SLC16A12: variants seen among roughly 807,000 people sequenced by gnomAD.
The protein encoded by SLC16A12 is monocarboxylate transporter 12.
In SLC16A12, 17 loss-of-function variants were observed where a neutral mutation model predicts 42.4. That is an observed-to-expected ratio of 0.40 (90% CI 0.27 to 0.60). The LOEUF (loss-of-function observed/expected upper bound fraction) is 0.60. Ranked by LOEUF, SLC16A12 falls within the 20% of genes least tolerant of loss-of-function variation. SLC16A12 has a pLI of 0.42. For synonymous variants in SLC16A12, 224 were observed against 229.4 expected, an observed-to-expected ratio of 0.98 and a Z score of 0.21; for missense variants, 544 against 623.0, an observed-to-expected ratio of 0.87 and a Z score of 1.35.
intron 3 of SLC16A12, among the ~76,000 whole-genome samples, chr10:89,450,284 G>C (rs534409974): frequency 1.3e-5 from 2 of 152,256 alleles, no homozygotes; most frequent in East Asian, 3.9e-4. Flanking sequence ...GATTATAAAT[G>C]ATGCTACTAT....
At chr10:89,550,520 A>G (rs1288179514) in intron 2 of SLC16A12, among the ~76,000 whole-genome samples, 1 of 152,210 alleles carries the variant, frequency 6.6e-6, no homozygotes, top group Admixed American at 6.5e-5. Context: ...CTCCGTCTCA[A>G]AACAAACAAA....
At chr10:89,441,053 G>A in intron 5 of SLC16A12, 55 bp downstream of exon 5, 1 of 1,602,660 alleles carries the variant, frequency 6.2e-7, no homozygotes, top group Non-Finnish European at 8.5e-7. Context: ...CTGTTGATGT[G>A]CTTGGAAACC....
At chr10:89,554,475 T>C (rs1318058437) in intron 2 of SLC16A12, among the ~76,000 whole-genome samples, 1 of 152,270 alleles carries the variant, frequency 6.6e-6, no homozygotes, top group Admixed American at 6.5e-5. Flanking sequence ...ACTTTAGTTG[T>C]TGATCATGTT....
intron 2 of SLC16A12, among the ~76,000 whole-genome samples, chr10:89,484,594 CAATA>C (rs1470019207): frequency 6.6e-6 from 1 of 151,982 alleles, no homozygotes; most frequent in Non-Finnish European, 1.5e-5. Context: ...AAGAGAGATC[CAATA>C]AATAGTCTGT....
chr10:89,454,227 C>T (rs983119662), intron 3 of SLC16A12, among the ~76,000 whole-genome samples: 3 of 152,094 alleles, frequency 2.0e-5, no homozygotes, highest in African/African-American at 7.2e-5. Context: ...AGGCTGGTCT[C>T]CAACTCCTGG....
In SLC16A12 at chr10:89,551,180, G is replaced by A. The variant is rs573681103; in HGVS notation, c.-47+4702C>T. On this transcript the variant is annotated intron_variant, in intron 2 of 2. Transcript: ENST00000475682. Reference sequence around the variant, plus strand: ...AGTTCAGCCTGGCGTGGTGGCTCACGCTTGTAATCCTAACAATTTGGGAGG... The same window carrying A: ...AGTTCAGCCTGGCGTGGTGGCTCACACTTGTAATCCTAACAATTTGGGAGG... 2.0e-4 allele frequency among the ~76,000 whole-genome samples: 30 copies of A among 152,286 alleles called. No homozygotes were observed. In the South Asian group the frequency reaches 5.8e-3, roughly 29 times the overall value.
chr10:89,433,422 C>A, intron 7 of SLC16A12, 96 bp from the exon 8 acceptor site: 1 of 1,258,414 alleles, frequency 7.9e-7, no homozygotes, highest in South Asian at 1.3e-5. Context: ...AATAATAGAT[C>A]GATAGCACCA....
In SLC16A12 at chr10:89,443,800, G is replaced by A. The variant is rs375833021; in HGVS notation, c.260C>T (p.Thr87Met). 1.6e-4 allele frequency: 264 copies of A among 1,613,898 alleles called. 1 individual carries two copies. Among genetic ancestry groups the A allele is most frequent in the Middle Eastern group, 5.0e-4 (3 of 6,058 alleles). ...QTYFTQDYAQ[T>M]AWIHSIVDCV... is the part of the protein sequence containing the mutation. The stretch of plus-strand genomic sequence containing the variant: ...ATCTACAATGGAATGGATCCATGCC[G>A]TTTGTGCGTAATCCTGAGTGAAGTA... The change falls in exon 4 of 8, where the codon ACG (threonine) becomes ATG (methionine). Residue 87 changes from threonine (T) to methionine (M), a missense_variant. Transcript: ENST00000371790.
intron 3 of SLC16A12, among the ~76,000 whole-genome samples, chr10:89,453,903 A>G (rs568824592): frequency 6.6e-6 from 1 of 152,110 alleles, no homozygotes; most frequent in Non-Finnish European, 1.5e-5. Context: ...TGCTAAATGC[A>G]CCCTGGAGAC....
intron 3 of SLC16A12, among the ~76,000 whole-genome samples, chr10:89,451,537 G>C (rs568655678): frequency 3.5e-4 from 53 of 151,960 alleles, no homozygotes; most frequent in Middle Eastern, 3.4e-3. Flanking sequence ...TCAGCCTCCC[G>C]AGTAGCTGGG....
chr10:89,539,153 T>C (rs888864193), upstream of SLC16A12, among the ~76,000 whole-genome samples: 7 of 152,240 alleles, frequency 4.6e-5, no homozygotes, highest in Admixed American at 1.3e-4. Context: ...TCTGTCTCAA[T>C]GGTCCTGAAT....
intron 2 of SLC16A12, among the ~76,000 whole-genome samples, chr10:89,555,540 T>C (rs1346312033): frequency 1.4e-5 from 2 of 143,480 alleles, no homozygotes; most frequent in East Asian, 2.0e-4. Context: ...TATACGTATG[T>C]ATGTATATAC....
intron 3 of SLC16A12, among the ~76,000 whole-genome samples, chr10:89,458,153 T>C (rs1447110441): frequency 6.6e-6 from 1 of 152,200 alleles, no homozygotes; most frequent in Non-Finnish European, 1.5e-5. Flanking sequence ...GATAAAATTG[T>C]TTATAGTGCT....
At chr10:89,475,291 T>C (rs974854834) in intron 2 of SLC16A12, among the ~76,000 whole-genome samples, 41 of 152,314 alleles carry the variant, frequency 2.7e-4, no homozygotes, top group Non-Finnish European at 5.9e-4. Context: ...GGGTTCCAGC[T>C]GGTAGCCTTA....
At chr10:89,525,089 C>A (rs68162511) in intron 2 of SLC16A12, among the ~76,000 whole-genome samples, 1 of 152,030 alleles carries the variant, frequency 6.6e-6, no homozygotes, top group Admixed American at 6.5e-5. Flanking sequence ...GGCGTGGCGC[C>A]GTGCGCCTGT....
At chr10:89,455,466 G>A (rs921378698) in intron 3 of SLC16A12, among the ~76,000 whole-genome samples, 8 of 152,078 alleles carry the variant, frequency 5.3e-5, no homozygotes, top group African/African-American at 1.9e-4. Flanking sequence ...ATGTAAGCAG[G>A]CTTAACAAAG....
chr10:89,468,708 G>A (rs1294294969), intron 2 of SLC16A12, among the ~76,000 whole-genome samples: 1 of 152,148 alleles, frequency 6.6e-6, no homozygotes, highest in Admixed American at 6.6e-5. Flanking sequence ...GGTTAGACAT[G>A]GCAAACCTTG....
In SLC16A12 at chr10:89,438,996, G is replaced by T; in HGVS notation, c.636C>A (p.Gly212=). Residue 212 remains glycine (G), a synonymous_variant, in exon 6 of 8, where the codon GGC becomes GGA. Transcript: ENST00000371790. ...CACATACACAGAGATTCAAGACAAA[G>T]CCCCCAAGAATGAGTAAGGCTCCCC... is the stretch of plus-strand genomic sequence containing the variant. ...SWRGALLILG[G]FVLNLCVCGA... is the part of the protein sequence containing the mutation. 1.9e-6 allele frequency: 3 copies of T among 1,614,140 alleles called. No homozygotes were observed. Among genetic ancestry groups the T allele is most frequent in the African/African-American group, 1.3e-5 (1 of 75,034 alleles).
intron 2 of SLC16A12, among the ~76,000 whole-genome samples, chr10:89,520,368 A>T (rs1373366020): frequency 6.6e-6 from 1 of 152,126 alleles, no homozygotes; most frequent in Non-Finnish European, 1.5e-5. Flanking sequence ...TATGTCCCCT[A>T]CCTTCTAACT....
Sources: gnomAD v4.1 joint callset for allele counts (sites outside exome capture counted in the v4.1 genomes callset) on GRCh38, gnomAD v4.1.1 for gene constraint, MANE v1.5 for transcripts, NCBI Gene and HGNC (gene_info 2026-07-23, HGNC 2026-07-21) for gene names.